Variants in PITPNA observed in about 807,000 individuals in gnomAD.
PITPNA encodes the protein phosphatidylinositol transfer protein alpha isoform.
PITPNA carries 13 observed loss-of-function variants against 50.3 expected under a neutral mutation model. The ratio of observed to expected loss-of-function variants is 0.26; its 90% CI spans 0.17 to 0.41. The LOEUF (loss-of-function observed/expected upper bound fraction) is 0.41. Ranked by LOEUF, PITPNA falls within the 10% of genes least tolerant of loss-of-function variation. PITPNA has a pLI of 1.00. For synonymous variants in PITPNA, 120 were observed against 119.6 expected, an observed-to-expected ratio of 1.00 and a Z score of -0.02; for missense variants, 207 against 333.4, an observed-to-expected ratio of 0.62 and a Z score of 2.95.
At chr17:1,531,925 A>G (rs879275178) in intron 10 of PITPNA, among the ~76,000 whole-genome samples, 1 of 152,216 alleles carries the variant, frequency 6.6e-6, no homozygotes, top group East Asian at 1.9e-4. Flanking sequence ...AAGAGACCAC[A>G]ACATGTACCA....
chr17:1,544,421 C>T (rs559277637), intron 4 of PITPNA, among the ~76,000 whole-genome samples: 24 of 152,160 alleles, frequency 1.6e-4, no homozygotes, highest in South Asian at 4.1e-4. Context: ...ACCTGGTTTT[C>T]CGAAATCATG....
chr17:1,546,092 T>C (rs2075672982), intron 4 of PITPNA, among the ~76,000 whole-genome samples: 1 of 151,810 alleles, frequency 6.6e-6, no homozygotes. Context: ...CATGCCCGGA[T>C]AACTTTTTGT....
Position 1,535,495 on chromosome 17 carries a change from T to G in PITPNA, c.480A>C (p.Pro160=). The stretch of plus-strand genomic sequence containing the variant: ...CTGTTTTGATAGATTTAAATTTTGC[T>G]GGGTCTTCCTCTGCCTTGTAATCCT... ...LSKDYKAEED[P]AKFKSIKTGR... Residue 160 remains proline (P), a synonymous_variant, in exon 8 of 12, where the codon CCA becomes CCC. Transcript: ENST00000313486. 1 of 1,613,316 alleles carries G rather than the reference T, an allele frequency of 6.2e-7. No individual in the cohort carries two copies. Among genetic ancestry groups the G allele is most frequent in the East Asian group, 2.2e-5 (1 of 44,872 alleles).
At chr17:1,545,124 T>C (rs2075666331) in intron 4 of PITPNA, among the ~76,000 whole-genome samples, 2 of 151,164 alleles carry the variant, frequency 1.3e-5, no homozygotes, top group African/African-American at 4.9e-5. Flanking sequence ...CTTTCATTCA[T>C]TCACAGACCA....
intron 11 of PITPNA, among the ~76,000 whole-genome samples, chr17:1,521,163 T>C (rs2075509227): frequency 6.6e-6 from 1 of 152,124 alleles, no homozygotes; most frequent in Admixed American, 6.5e-5. Context: ...CAGTGGGTGC[T>C]AACAAAAGCT....
intron 8 of PITPNA, 27 bp from the exon 9 acceptor site, chr17:1,535,319 C>T (rs370352356): frequency 1.9e-4 from 301 of 1,555,968 alleles, no homozygotes; most frequent in Non-Finnish European, 2.5e-4. Flanking sequence ...CCCATGGGTA[C>T]GCAAGTAACA....
In PITPNA at chr17:1,519,448, G is replaced by GT. The variant is rs1411419858; in HGVS notation, c.*1112dup. On this transcript the variant is annotated 3_prime_UTR_variant, in exon 12 of 12. Transcript: ENST00000313486. ...GTACTATGATCACTACTTGCTTTGG[G>GT]TTTTCCAGGGCAGAACTCAACATGG... The GT allele has an allele frequency of 6.6e-6, 1 of 152,584 alleles. No homozygotes were observed. Among genetic ancestry groups the GT allele is most frequent in the Non-Finnish European group, 1.5e-5 (1 of 68,050 alleles). The allele number at this position is 152,584 out of a possible 1,614,324, so 9.5% of individuals were successfully genotyped here.
chr17:1,526,498 T>A (rs59987815), intron 10 of PITPNA, among the ~76,000 whole-genome samples: 22,518 of 152,262 alleles, frequency 0.15, 1,936 homozygotes, highest in African/African-American at 0.22. Flanking sequence ...ATAGAATTTT[T>A]AAAAAGACAA....
intron 7 of PITPNA, among the ~76,000 whole-genome samples, chr17:1,537,671 A>G (rs536296569): frequency 1.3e-5 from 2 of 152,340 alleles, no homozygotes; most frequent in East Asian, 3.9e-4. Flanking sequence ...ACTTTGCTGT[A>G]TATGTTAAAC....
At chr17:1,538,134 A>C (rs1271805878) in intron 7 of PITPNA, among the ~76,000 whole-genome samples, 1 of 152,182 alleles carries the variant, frequency 6.6e-6, no homozygotes, top group African/African-American at 2.4e-5. Flanking sequence ...ACCACAGGAA[A>C]GAGGTATCAC....
Position 1,541,159 on chromosome 17 carries a change from C to A in PITPNA, c.372+407G>T, listed in dbSNP as rs368544695. Among the ~76,000 whole-genome samples, 12 of 152,264 alleles carry A rather than the reference C, an allele frequency of 7.9e-5. No individual in the cohort carries two copies. In the East Asian group the frequency reaches 1.2e-3, roughly 15 times the overall value. On this transcript the variant is annotated intron_variant, in intron 6 of 11. Transcript: ENST00000313486. ...ATCTTTGGCTACACAAAGAAGACTGCAATGAGTCTCCTTGTATATATGTTA... is the reference window on the plus strand; with the variant it reads ...ATCTTTGGCTACACAAAGAAGACTGAAATGAGTCTCCTTGTATATATGTTA...
intron 4 of PITPNA, 33 bp downstream of exon 4, chr17:1,548,263 C>T: frequency 6.8e-7 from 1 of 1,477,564 alleles, no homozygotes; most frequent in Non-Finnish European, 9.3e-7. Flanking sequence ...CTGCCCGCCC[C>T]TGCCTGGCCG....
At chr17:1,538,568 C>T in intron 7 of PITPNA, 1 of 230,044 alleles carries the variant, frequency 4.3e-6, no homozygotes, top group Non-Finnish European at 8.4e-6. Context: ...AGAAGTGGTG[C>T]TCCGATTTTT....
rs940023609 is a variant in PITPNA, at chr17:1,540,586, T to C, written c.372+980A>G. On this transcript the variant is annotated intron_variant, in intron 6 of 11. Transcript: ENST00000313486. ...AACGTTGTCCTACTAACGGGCCTTT[T>C]TTTTCTCTTTTTTTTTTTTTAAGAC... Among the ~76,000 whole-genome samples the C allele has an allele frequency of 7.8e-4, 117 of 150,470 alleles. 1 individual carries two copies. The highest frequency in any genetic ancestry group is 2.8e-3 in the African/African-American group (116 of 41,158).
At chr17:1,536,543 C>A (rs1395932944) in intron 7 of PITPNA, among the ~76,000 whole-genome samples, 2 of 151,814 alleles carry the variant, frequency 1.3e-5, no homozygotes, top group Non-Finnish European at 2.9e-5. Context: ...CCCACCTTGG[C>A]CTCCCACAGT....
Position 1,553,020 on chromosome 17 carries a change from T to A in PITPNA, c.181A>T (p.Ile61Phe). Residue 61 changes from isoleucine to phenylalanine, a missense_variant, in exon 3 of 12, where the codon ATC becomes TTC. Ile to Phe is a conservative substitution (Grantham distance 21). Coordinates refer to ENST00000313486, the MANE Select transcript of PITPNA (RefSeq NM_006224.4). ...DGEKGQYTHK[I>F]YHLQSKVPTF... ...GCCGCATACCTCTGCAGGTGGTAGA[T>A]CTTGTGTGTGTACTGGCCTTTCTCA... is the stretch of plus-strand genomic sequence containing the variant. 1 of 1,613,928 alleles carries A rather than the reference T, an allele frequency of 6.2e-7. No homozygotes were observed. Among genetic ancestry groups the A allele is most frequent in the Non-Finnish European group, 8.5e-7 (1 of 1,179,866 alleles).
chr17:1,547,791 C>A (rs1015010075), intron 4 of PITPNA, among the ~76,000 whole-genome samples: 3 of 151,916 alleles, frequency 2.0e-5, no homozygotes, highest in Admixed American at 2.0e-4. Context: ...GTCAGGAGGT[C>A]GAGACCAGCC....
At chr17:1,522,408 T>C (rs534308953) in intron 10 of PITPNA, among the ~76,000 whole-genome samples, 5 of 152,076 alleles carry the variant, frequency 3.3e-5, no homozygotes, top group African/African-American at 9.6e-5. Flanking sequence ...AGTCTTGCTC[T>C]GTCGCCCAGG....
At chr17:1,528,991 AGC>A (rs2075563917) in intron 10 of PITPNA, among the ~76,000 whole-genome samples, 1 of 150,744 alleles carries the variant, frequency 6.6e-6, no homozygotes, top group Non-Finnish European at 1.5e-5. Flanking sequence ...TACAAAAATT[AGC>A]TGGGCGTGGT....
Sources: gnomAD v4.1 joint callset for allele counts (sites outside exome capture counted in the v4.1 genomes callset) on GRCh38, gnomAD v4.1.1 for gene constraint, MANE v1.5 for transcripts, NCBI Gene and HGNC (gene_info 2026-07-23, HGNC 2026-07-21) for gene names.